Variants in CRADD observed in about 807,000 individuals in gnomAD.
The protein encoded by CRADD is death domain-containing protein CRADD.
A neutral mutation model predicts 15.5 loss-of-function variants in CRADD; 9 were observed. The observed-to-expected ratio is 0.58, with a 90% CI of 0.35 to 1.01. The LOEUF is 1.01. Among genes scored for constraint, CRADD ranks in the 50% least tolerant of loss-of-function variants. The pLI is 0.02. For missense variants in CRADD, 227 were observed against 250.3 expected (o/e 0.91, Z 0.63); for synonymous variants, 118 against 107.6 (o/e 1.10, Z -0.60).
chr12:93,786,676 T>C (rs1276390961), intron 2 of CRADD, among the ~76,000 whole-genome samples: 1 of 152,130 alleles, frequency 6.6e-6, no homozygotes, highest in African/African-American at 2.4e-5. Context: ...CCAGTAGAGG[T>C]AGAAGGCAGT....
intron 2 of CRADD, among the ~76,000 whole-genome samples, chr12:93,893,384 C>A (rs1252373773): frequency 6.6e-6 from 1 of 151,040 alleles, no homozygotes; most frequent in Non-Finnish European, 1.5e-5. Context: ...GACACAATTC[C>A]TAGGGTGTTG....
chr12:93,890,033 C>T (rs1429956001), intron 2 of CRADD, among the ~76,000 whole-genome samples: 2 of 152,204 alleles, frequency 1.3e-5, no homozygotes, highest in Admixed American at 6.5e-5. Context: ...CCCGGGCCTC[C>T]GAGCCTTCTT....
intron 2 of CRADD, among the ~76,000 whole-genome samples, chr12:93,710,034 A>T (rs1031342847): frequency 3.9e-5 from 6 of 152,184 alleles, no homozygotes; most frequent in African/African-American, 1.2e-4. Context: ...AAATATAGTG[A>T]CTTAAAACCA....
At chr12:93,773,464 A>T (rs1459684531) in intron 2 of CRADD, among the ~76,000 whole-genome samples, 1 of 152,148 alleles carries the variant, frequency 6.6e-6, no homozygotes, top group Non-Finnish European at 1.5e-5. Flanking sequence ...CATGATTGTG[A>T]AGCCTCCCCA....
chr12:93,712,637 T>C (rs1452110897), intron 2 of CRADD, among the ~76,000 whole-genome samples: 1 of 152,210 alleles, frequency 6.6e-6, no homozygotes, highest in African/African-American at 2.4e-5. Context: ...CAGGGATAAT[T>C]CATTGTTAAT....
At chr12:93,735,600 A>G (rs747229571) in intron 2 of CRADD, 2 of 152,182 alleles carry the variant, frequency 1.3e-5, no homozygotes, top group Non-Finnish European at 2.9e-5. Context: ...TCATGCTGAC[A>G]TTAGAAATAG....
Position 93,816,578 on chromosome 12 carries a change from A to G in CRADD, c.299-33392A>G, listed in dbSNP as rs139337825. Among the ~76,000 whole-genome samples, 5 of 152,272 alleles carry G rather than the reference A, an allele frequency of 3.3e-5. No individual in the cohort carries two copies. The East Asian group carries it at 9.6e-4, about 29-fold the overall frequency. On this transcript the variant is annotated intron_variant, in intron 2 of 2. Transcript: ENST00000332896. The stretch of plus-strand genomic sequence containing the variant: ...TATGCTTCTTTTATACTAAGCCTTC[A>G]AAATCTGGTGTGCACTTCACATTTA...
At chr12:93,688,788 T>C (rs984322532) in intron 2 of CRADD, among the ~76,000 whole-genome samples, 2 of 152,216 alleles carry the variant, frequency 1.3e-5, no homozygotes, top group African/African-American at 4.8e-5. Flanking sequence ...TCATATCTTA[T>C]AAAACCACTT....
At chr12:93,704,482 C>T (rs1411712936) in intron 2 of CRADD, among the ~76,000 whole-genome samples, 1 of 152,136 alleles carries the variant, frequency 6.6e-6, no homozygotes, top group Non-Finnish European at 1.5e-5. Flanking sequence ...TGTACCTACC[C>T]TCTTTCCTTC....
At chr12:93,740,440 C>G (rs1956648129) in intron 2 of CRADD, among the ~76,000 whole-genome samples, 1 of 152,016 alleles carries the variant, frequency 6.6e-6, no homozygotes, top group Non-Finnish European at 1.5e-5. Context: ...GACCTGAAGA[C>G]TTTTTTTCGA....
At chr12:93,738,031 C>G (rs1956605830) in intron 2 of CRADD, among the ~76,000 whole-genome samples, 1 of 151,972 alleles carries the variant, frequency 6.6e-6, no homozygotes, top group Non-Finnish European at 1.5e-5. Flanking sequence ...ATTCCAAAGG[C>G]AAGCAGGAGA....
intron 2 of CRADD, among the ~76,000 whole-genome samples, chr12:93,782,044 G>A (rs540316375): frequency 4.6e-5 from 7 of 151,198 alleles, no homozygotes; most frequent in African/African-American, 1.5e-4. Context: ...ACATGCACAC[G>A]TATGTTTATA....
chr12:93,685,937 G>C (rs926747735), intron 2 of CRADD, among the ~76,000 whole-genome samples: 10 of 152,094 alleles, frequency 6.6e-5, no homozygotes, highest in Non-Finnish European at 1.5e-4. Flanking sequence ...AGGTTGTAGT[G>C]AGCTGAGATC....
chr12:93,803,672 A>G (rs1957501367), intron 2 of CRADD, among the ~76,000 whole-genome samples: 1 of 151,600 alleles, frequency 6.6e-6, no homozygotes, highest in Non-Finnish European at 1.5e-5. Context: ...GAAAAGAAAC[A>G]AAACAAAACA....
At chr12:93,855,547 G>T (rs967420666), downstream of CRADD, among the ~76,000 whole-genome samples, 1 of 152,248 alleles carries the variant, frequency 6.6e-6, no homozygotes, top group African/African-American at 2.4e-5. Flanking sequence ...CTATGGGAAT[G>T]CAGAGGAGAA....
At chr12:93,716,451 T>TA (rs1281805175) in intron 2 of CRADD, among the ~76,000 whole-genome samples, 1 of 152,168 alleles carries the variant, frequency 6.6e-6, no homozygotes, top group East Asian at 1.9e-4. Context: ...TTGGGACAAA[T>TA]ATATAACGAC....
At chr12:93,774,123 A>G (rs1957117320) in intron 2 of CRADD, among the ~76,000 whole-genome samples, 1 of 151,770 alleles carries the variant, frequency 6.6e-6, no homozygotes, top group African/African-American at 2.4e-5. Context: ...GGCATGAGCC[A>G]CTGTTTCTGG....
intron 2 of CRADD, among the ~76,000 whole-genome samples, chr12:93,754,980 G>A (rs2136943775): frequency 6.6e-6 from 1 of 151,976 alleles, no homozygotes; most frequent in Middle Eastern, 3.4e-3. Flanking sequence ...AAAAAAAAGG[G>A]TTTAGTGGAT....
chr12:93,774,378 G>A (rs1957119911), intron 2 of CRADD, among the ~76,000 whole-genome samples: 2 of 152,340 alleles, frequency 1.3e-5, no homozygotes, highest in African/African-American at 4.8e-5. Flanking sequence ...TAGATGAGGA[G>A]CCTGAGGGCT....
Sources: allele counts gnomAD v4.1 joint callset (sites outside exome capture counted in the v4.1 genomes callset), GRCh38; gene constraint gnomAD v4.1.1; transcripts MANE v1.5; gene names NCBI Gene and HGNC (gene_info 2026-07-23, HGNC 2026-07-21).